The following RAD54L2 variants were observed in gnomAD, a reference collection of about 807,000 sequenced individuals.
RAD54L2 encodes RAD54 like 2, also known as helicase ARIP4.
In RAD54L2, 27 loss-of-function variants were observed where a neutral mutation model predicts 138.4. The observed-to-expected ratio is 0.20, with a 90% CI of 0.14 to 0.27. RAD54L2 has a LOEUF of 0.27. RAD54L2 is among the 10% of genes least tolerant of loss of function. The pLI is 1.00. For synonymous variants in RAD54L2, 644 were observed against 723.2 expected (o/e 0.89, Z 1.76); for missense variants, 1,396 against 1,890.2 (o/e 0.74, Z 4.85).
rs1179595704 is a variant in RAD54L2 at position 51,662,956 on chromosome 3, G to A, written c.3940G>A (p.Gly1314Arg). The A allele has an allele frequency of 2.5e-6, 4 of 1,613,798 alleles. No homozygotes were observed. Among genetic ancestry groups the A allele is most frequent in the Admixed American group, 3.3e-5 (2 of 59,990 alleles). ...NLTTPFTSQAGENSLFMGSTP... is the reference protein window; with the variant it reads ...NLTTPFTSQARENSLFMGSTP... ...CACCACCCCCTTCACCTCCCAGGCT[G>A]GGGAGAACTCCCTGTTTATGGGCAG... Residue 1314 changes from glycine to arginine, a missense_variant, in exon 23 of 23, where the codon GGG becomes AGG. Gly to Arg is a moderately radical substitution (Grantham distance 125). Transcript: ENST00000684192. This position sits in a 1 kb window ranked among gnomAD's most constrained non-coding sequence, Gnocchi z 4.6.
At chr3:51,578,022 G>A (rs1011443523) in intron 2 of RAD54L2, among the ~76,000 whole-genome samples, 3 of 151,900 alleles carry the variant, frequency 2.0e-5, no homozygotes, top group Admixed American at 1.3e-4. Context: ...TCAAAATCAG[G>A]AAATTTAATA....
At chr3:51,596,851 T>C (rs1215011312) in intron 3 of RAD54L2, among the ~76,000 whole-genome samples, 2 of 152,146 alleles carry the variant, frequency 1.3e-5, no homozygotes, top group African/African-American at 4.8e-5. Context: ...TGGACAGCCA[T>C]GTTCAGCTAA....
rs568274338 is a variant in RAD54L2, at chr3:51,544,708, G to T, written c.-55+3058G>T. Reference sequence around the variant, plus strand: ...CTCAACCTCAACCTCCTCGGTTCAAGCTATTCTCCTGCCTCAGCCTCACAA... The same window carrying T: ...CTCAACCTCAACCTCCTCGGTTCAATCTATTCTCCTGCCTCAGCCTCACAA... On this transcript the variant is annotated intron_variant, in intron 2 of 22. Coordinates refer to ENST00000684192, the MANE Select transcript of RAD54L2 (RefSeq NM_015106.4). Among the ~76,000 whole-genome samples, 603 of 152,220 alleles carry T rather than the reference G, an allele frequency of 4.0e-3. 3 individuals carry two copies. Among genetic ancestry groups the T allele is most frequent in the Non-Finnish European group, 6.9e-3 (466 of 68,006 alleles).
intron 3 of RAD54L2, among the ~76,000 whole-genome samples, chr3:51,599,667 C>G (rs776822847): frequency 1.3e-5 from 2 of 151,044 alleles, no homozygotes; most frequent in African/African-American, 2.4e-5. Context: ...ATTCTCCTGC[C>G]TCAGCCTCCT....
In RAD54L2 at chr3:51,638,434, C is replaced by T. The variant is rs1701044535; in HGVS notation, c.1860+113C>T. 1.6e-6 allele frequency: 2 copies of T among 1,247,328 alleles called. No homozygotes were observed. 77.3% of individuals were successfully genotyped at this position (1,247,328 alleles called of 1,614,324 possible). Reference sequence around the variant, plus strand: ...AAGGGAGAATAAAGTGAGAGGGGGCCACCTCAGTTCACTGCACTGGAGGTT... The same window carrying T: ...AAGGGAGAATAAAGTGAGAGGGGGCTACCTCAGTTCACTGCACTGGAGGTT... On this transcript the variant is annotated intron_variant, in intron 12 of 22. Coordinates refer to ENST00000684192, the MANE Select transcript of RAD54L2 (RefSeq NM_015106.4). The surrounding 1 kb of genome is among the most constrained non-coding windows in gnomAD (Gnocchi z 4.3).
At chr3:51,599,140 T>G (rs1700029818) in intron 3 of RAD54L2, among the ~76,000 whole-genome samples, 2 of 152,138 alleles carry the variant, frequency 1.3e-5, no homozygotes, top group African/African-American at 4.8e-5. Flanking sequence ...TACTGCAGAA[T>G]TAATTGGTCG....
intron 3 of RAD54L2, among the ~76,000 whole-genome samples, chr3:51,616,755 G>C (rs1372254731): frequency 1.3e-5 from 2 of 152,168 alleles, no homozygotes; most frequent in African/African-American, 4.8e-5. Context: ...TTGAACCCAG[G>C]AGGCGGAGGT....
In RAD54L2 at chr3:51,637,568, A is replaced by T. The variant is rs1306225526; in HGVS notation, c.1682+65A>T. On this transcript the variant is annotated intron_variant, in intron 11 of 22. Transcript: ENST00000684192. The surrounding 1 kb of genome is among the most constrained non-coding windows in gnomAD (Gnocchi z 5.9). Reference sequence around the variant, plus strand: ...GGGCCCTGTTGCCAAGGGCATGCCAAACCTGTTATACAGGATAGGGTGTTG... The same window carrying T: ...GGGCCCTGTTGCCAAGGGCATGCCATACCTGTTATACAGGATAGGGTGTTG... The T allele has an allele frequency of 6.8e-7, 1 of 1,469,568 alleles. No individual in the cohort carries two copies. The highest frequency in any genetic ancestry group is 9.2e-7 in the Non-Finnish European group (1 of 1,084,524). The allele number at this position is 1,469,568 out of a possible 1,614,324, so 91.0% of individuals were successfully genotyped here.
At position 51,637,071 on chromosome 3, in the gene RAD54L2, G is replaced by A. The variant is rs766606635; in HGVS notation, c.1340-90G>A. 2 of 1,149,446 alleles carry A rather than the reference G, an allele frequency of 1.7e-6. No individual in the cohort carries two copies. Among genetic ancestry groups the A allele is most frequent in the South Asian group, 1.3e-5 (1 of 74,332 alleles). 71.2% of individuals were successfully genotyped at this position (1,149,446 alleles called of 1,614,324 possible). A position where few individuals can be genotyped will look rare whatever the true frequency, so the allele number is the denominator to read the frequency against. ...CTTTCCTGCTTCCTTCATTTCTTCT[G>A]TCTCCTCCAGGGTGCACCCCTACTT... On this transcript the variant is annotated intron_variant, in intron 10 of 22. Transcript: ENST00000684192. The surrounding 1 kb of genome is among the most constrained non-coding windows in gnomAD (Gnocchi z 5.9).
intron 2 of RAD54L2, among the ~76,000 whole-genome samples, chr3:51,584,598 G>GAGTACTATACTCCGTATAGTACTCTAC (rs1045125889): frequency 4.7e-5 from 7 of 149,670 alleles, no homozygotes; most frequent in African/African-American, 7.3e-5. Flanking sequence ...GGTACTTGGT[G>GAGTACTATACTCCGTATAGTACTCTAC]AGTACTATAC....
intron 2 of RAD54L2, among the ~76,000 whole-genome samples, chr3:51,553,943 A>C (rs1358814672): frequency 1.3e-5 from 2 of 152,212 alleles, no homozygotes; most frequent in African/African-American, 4.8e-5. Flanking sequence ...TTATTGCCAA[A>C]AAATGTTAAC....
chr3:51,630,625 G>A, intron 6 of RAD54L2, 80 bp from the exon 7 acceptor site: 1 of 1,211,406 alleles, frequency 8.3e-7, no homozygotes, highest in Non-Finnish European at 1.2e-6. Context: ...TTAAGTTTCT[G>A]TAGTCTTCTG....
intron 7 of RAD54L2, 59 bp from the exon 8 acceptor site, chr3:51,633,518 A>G: frequency 6.6e-7 from 1 of 1,505,766 alleles, no homozygotes. Context: ...CAAAGTGAGT[A>G]AAAACTGGAG....
chr3:51,594,619 G>C (rs1699918784), intron 3 of RAD54L2, among the ~76,000 whole-genome samples: 1 of 152,096 alleles, frequency 6.6e-6, no homozygotes, highest in African/African-American at 2.4e-5. Flanking sequence ...TGCTTTGAGG[G>C]AAGAAGGTGA....
rs540153685 is a variant in RAD54L2 at position 51,578,662 on chromosome 3, G to A, written c.-54-11705G>A. ...TGGGAGGGGGAGCACTGGTGAGTGG[G>A]TGCAGGAGCTGGGGCTAGTGCTTTT... On this transcript the variant is annotated intron_variant, in intron 2 of 22. Coordinates refer to ENST00000684192, the MANE Select transcript of RAD54L2 (RefSeq NM_015106.4). Among the ~76,000 whole-genome samples, 3 of 152,312 alleles carry A rather than the reference G, an allele frequency of 2.0e-5. No individual in the cohort carries two copies. In the East Asian group the frequency reaches 5.8e-4, roughly 29 times the overall value.
chr3:51,660,223 C>G, intron 22 of RAD54L2, 105 bp downstream of exon 22: 1 of 822,584 alleles, frequency 1.2e-6, no homozygotes, highest in East Asian at 2.7e-5. Context: ...GTACATGGTT[C>G]ACAATTCAGA....
intron 2 of RAD54L2, among the ~76,000 whole-genome samples, chr3:51,555,176 A>G (rs1698933589): frequency 6.6e-6 from 1 of 152,098 alleles, no homozygotes; most frequent in African/African-American, 2.4e-5. Context: ...AGATTTTTAG[A>G]TGATAACCAA....
At chr3:51,659,098 G>GTTTT (rs1014568687) in intron 21 of RAD54L2, among the ~76,000 whole-genome samples, 133 of 75,034 alleles carry the variant, frequency 1.8e-3, no homozygotes, top group African/African-American at 2.1e-3. Context: ...TCCGGCTCTT[G>GTTTT]TTTTTTTTTT....
chr3:51,651,537 A>G (rs949216681), intron 19 of RAD54L2, among the ~76,000 whole-genome samples: 1 of 152,226 alleles, frequency 6.6e-6, no homozygotes, highest in African/African-American at 2.4e-5. Flanking sequence ...AAAATCCTCA[A>G]TAATATACTG....
Sources: allele counts gnomAD v4.1 joint callset (sites outside exome capture counted in the v4.1 genomes callset), GRCh38; gene constraint gnomAD v4.1.1; non-coding constraint Gnocchi (gnomAD v3.1); transcripts MANE v1.5; gene names NCBI Gene and HGNC (gene_info 2026-07-23, HGNC 2026-07-21).